Variants in SLC30A8 observed in about 807,000 individuals in gnomAD.
SLC30A8 encodes proton-coupled zinc antiporter SLC30A8.
In SLC30A8, 27 loss-of-function variants were observed where a neutral mutation model predicts 36.9. The observed-to-expected ratio is 0.73, with a 90% CI of 0.54 to 1.01. The LOEUF (loss-of-function observed/expected upper bound fraction) is 1.01. Ranked by LOEUF, SLC30A8 falls within the 50% of genes least tolerant of loss-of-function variation. The pLI, the probability that SLC30A8 is intolerant of heterozygous loss-of-function variation, is 0.00. For synonymous variants in SLC30A8, 164 were observed against 172.4 expected (o/e 0.95, Z 0.38); for missense variants, 439 against 452.0 (o/e 0.97, Z 0.26).
At chr8:117,122,944 G>A (rs764437793) in intron 2 of SLC30A8, among the ~76,000 whole-genome samples, 42 of 151,910 alleles carry the variant, frequency 2.8e-4, no homozygotes, top group Non-Finnish European at 1.2e-4. Flanking sequence ...TGTACTGGGC[G>A]TTCCTTTATA....
intron 1 of SLC30A8, among the ~76,000 whole-genome samples, chr8:117,024,418 T>C (rs1257006658): frequency 2.6e-5 from 4 of 152,230 alleles, no homozygotes; most frequent in Non-Finnish European, 4.4e-5. Context: ...CCACAAAGCC[T>C]TCCATGGTCT....
At chr8:117,148,037 T>G (rs906854996) in intron 2 of SLC30A8, among the ~76,000 whole-genome samples, 103 of 152,206 alleles carry the variant, frequency 6.8e-4, no homozygotes, top group African/African-American at 2.3e-3. Flanking sequence ...TTTGTTATAT[T>G]AGTTATAAGT....
chr8:117,063,404 C>G (rs898284237), intron 2 of SLC30A8, among the ~76,000 whole-genome samples: 1 of 152,164 alleles, frequency 6.6e-6, no homozygotes, highest in Non-Finnish European at 1.5e-5. Flanking sequence ...AAGTGCCTCT[C>G]TTATTCAGGA....
chr8:117,151,542 A>G (rs1822191261), intron 2 of SLC30A8, among the ~76,000 whole-genome samples: 1 of 152,174 alleles, frequency 6.6e-6, no homozygotes, highest in African/African-American at 2.4e-5. Flanking sequence ...TCAGTTTCCA[A>G]GCCTCCATAG....
chr8:117,041,660 C>A (rs1466301374), intron 2 of SLC30A8, among the ~76,000 whole-genome samples: 1 of 151,332 alleles, frequency 6.6e-6, no homozygotes, highest in Non-Finnish European at 1.5e-5. Context: ...TTGCACTCCA[C>A]CCTGGGCAAC....
At chr8:116,959,004 C>T (rs926736514) in intron 1 of SLC30A8, among the ~76,000 whole-genome samples, 6 of 151,764 alleles carry the variant, frequency 4.0e-5, no homozygotes, top group Non-Finnish European at 8.8e-5. Flanking sequence ...CGCCTGCCAC[C>T]ATGCCCAGCT....
intron 1 of SLC30A8, among the ~76,000 whole-genome samples, chr8:116,952,550 T>A (rs1814032260): frequency 6.6e-6 from 1 of 152,084 alleles, no homozygotes; most frequent in South Asian, 2.1e-4. Flanking sequence ...GTTCAAGCGA[T>A]TCTCCTGCCT....
intron 2 of SLC30A8, among the ~76,000 whole-genome samples, chr8:117,051,346 A>C (rs1177811951): frequency 1.3e-5 from 2 of 152,220 alleles, no homozygotes; most frequent in Non-Finnish European, 2.9e-5. Flanking sequence ...TGTGTGAGAC[A>C]GGATGTGTGT....
At chr8:117,009,314 A>G (rs1262666027) in intron 1 of SLC30A8, among the ~76,000 whole-genome samples, 1 of 152,234 alleles carries the variant, frequency 6.6e-6, no homozygotes, top group East Asian at 1.9e-4. Flanking sequence ...TCCAGAAATC[A>G]TAACTTGGAG....
At chr8:116,950,982 T>A (rs1469990208) in exon 1 of SLC30A8, 1 of 152,228 alleles carries the variant, frequency 6.6e-6, no homozygotes, top group African/African-American at 2.4e-5. Flanking sequence ...CCTGCCTGTC[T>A]AACTTTGGAA....
intron 1 of SLC30A8, among the ~76,000 whole-genome samples, chr8:116,952,850 T>A (rs892533250): frequency 1.3e-5 from 2 of 150,070 alleles, no homozygotes; most frequent in African/African-American, 2.5e-5. Flanking sequence ...CAAAGAAGAA[T>A]TTTATTTATT....
At chr8:116,955,036 G>T (rs369314344) in intron 1 of SLC30A8, among the ~76,000 whole-genome samples, 1 of 152,178 alleles carries the variant, frequency 6.6e-6, no homozygotes, top group Non-Finnish European at 1.5e-5. Context: ...GATGGCTTCC[G>T]TTGTCTGTGA....
intron 1 of SLC30A8, among the ~76,000 whole-genome samples, chr8:116,957,334 T>A (rs771446564): frequency 5.3e-5 from 8 of 152,162 alleles, no homozygotes; most frequent in Non-Finnish European, 1.2e-4. Flanking sequence ...TGGAGTGCAG[T>A]GGCGCCATCT....
At chr8:117,105,830 A>C (rs535227892) in intron 2 of SLC30A8, among the ~76,000 whole-genome samples, 1 of 152,298 alleles carries the variant, frequency 6.6e-6, no homozygotes, top group Non-Finnish European at 1.5e-5. Context: ...ATTATGGCCT[A>C]CCCAAGTTGA....
intron 2 of SLC30A8, among the ~76,000 whole-genome samples, chr8:117,121,757 C>T (rs1001086793): frequency 6.6e-6 from 1 of 151,914 alleles, no homozygotes; most frequent in Non-Finnish European, 1.5e-5. Context: ...ACAAATACTG[C>T]ATGATTCCAT....
At chr8:116,986,535 A>C (rs188679664) in intron 1 of SLC30A8, among the ~76,000 whole-genome samples, 1 of 152,292 alleles carries the variant, frequency 6.6e-6, no homozygotes, top group East Asian at 1.9e-4. Context: ...TCAAATACTT[A>C]ATTTCCATTA....
At chr8:117,006,402 A>G (rs1342805300) in intron 1 of SLC30A8, among the ~76,000 whole-genome samples, 3 of 152,130 alleles carry the variant, frequency 2.0e-5, no homozygotes, top group Non-Finnish European at 4.4e-5. Context: ...GCTCTTCCCA[A>G]AACAGGAAGG....
intron 2 of SLC30A8, among the ~76,000 whole-genome samples, chr8:117,118,539 A>AT (rs75936567): frequency 6.0e-4 from 90 of 149,394 alleles, no homozygotes; most frequent in South Asian, 3.6e-3. Flanking sequence ...TCAATAGCTC[A>AT]TTTTTTTTTT....
chr8:117,147,425 T>C, intron 2 of SLC30A8: 1 of 380,356 alleles, frequency 2.6e-6, no homozygotes, highest in Non-Finnish European at 4.9e-6. Flanking sequence ...TTTTTAAACA[T>C]AACTGAGAGC....
Sources: gnomAD v4.1 joint callset for allele counts (sites outside exome capture counted in the v4.1 genomes callset) on GRCh38, gnomAD v4.1.1 for gene constraint, MANE v1.5 for transcripts, NCBI Gene and HGNC (gene_info 2026-07-23, HGNC 2026-07-21) for gene names.